The following RAP1GAP2 variants were observed in gnomAD, a reference collection of about 807,000 sequenced individuals.
RAP1GAP2 encodes RAP1 GTPase activating protein 2, also known as rap1 GTPase-activating protein 2.
RAP1GAP2 carries 27 observed loss-of-function variants against 95.0 expected under a neutral mutation model. The ratio of observed to expected loss-of-function variants is 0.28; its 90% CI spans 0.21 to 0.39. The LOEUF is 0.39. Ranked by LOEUF, RAP1GAP2 falls within the 10% of genes least tolerant of loss-of-function variation. RAP1GAP2 has a pLI of 1.00. For missense variants in RAP1GAP2, 771 were observed against 970.0 expected (o/e 0.79, Z 2.72); for synonymous variants, 373 against 380.9 (o/e 0.98, Z 0.24).
In RAP1GAP2 at chr17:2,880,065, G is replaced by A. The variant is rs944502588; in HGVS notation, c.81-25219G>A. On this transcript the variant is annotated intron_variant, in intron 2 of 24. Coordinates refer to ENST00000254695, the MANE Select transcript of RAP1GAP2 (RefSeq NM_015085.5). ...TCAGACTGATCGTGACAACTGAGGGGCTGGGAGCAGGGGGCTGGGAGCAGG... is the reference window on the plus strand; with the variant it reads ...TCAGACTGATCGTGACAACTGAGGGACTGGGAGCAGGGGGCTGGGAGCAGG... Among the ~76,000 whole-genome samples, 4 of 152,126 alleles carry A rather than the reference G, an allele frequency of 2.6e-5. No individual in the cohort carries two copies. The East Asian group carries it at 7.7e-4, about 29-fold the overall frequency.
intron 3 of RAP1GAP2, among the ~76,000 whole-genome samples, chr17:2,927,357 G>C (rs947119147): frequency 4.0e-4 from 61 of 151,940 alleles, no homozygotes; most frequent in Non-Finnish European, 6.8e-4. Context: ...GTTTCACCGT[G>C]TTAGCCAGGA....
intron 2 of RAP1GAP2, among the ~76,000 whole-genome samples, chr17:2,893,950 C>T (rs1462398000): frequency 3.3e-5 from 5 of 152,242 alleles, no homozygotes; most frequent in African/African-American, 9.6e-5. Flanking sequence ...TCTCACCTCT[C>T]CTTCCCTGCC....
At chr17:2,879,408 G>A (rs1055754410) in intron 2 of RAP1GAP2, among the ~76,000 whole-genome samples, 3 of 151,560 alleles carry the variant, frequency 2.0e-5, no homozygotes, top group South Asian at 2.1e-4. Context: ...GAGCCACTGC[G>A]CCCGGCCACA....
chr17:3,006,189 T>C, intron 16 of RAP1GAP2, 148 bp downstream of exon 16: 2 of 681,374 alleles, frequency 2.9e-6, no homozygotes, highest in Non-Finnish European at 4.8e-6. Context: ...TGCAGTGGCA[T>C]GATCTTGGGA....
rs971435063 is a variant in RAP1GAP2, at chr17:3,026,438, G to A, written c.1954G>A (p.Glu652Lys). 5.2e-6 allele frequency: 8 copies of A among 1,551,944 alleles called. No homozygotes were observed. Among genetic ancestry groups the A allele is most frequent in the Non-Finnish European group, 7.0e-6 (8 of 1,147,358 alleles). The change falls in exon 21 of 25, where the codon GAG becomes AAG. Residue 652 changes from glutamate (E) to lysine (K), a missense_variant. By Grantham distance (56) the Glu-to-Lys change is moderately conservative. Transcript: ENST00000254695. ...SSVSSTAGEG[E>K]AMEEGDSGGS... ...CGTCAGCAGCACTGCAGGGGAGGGCGAGGCCATGGAGGAGGGCGACAGTGG... is the reference window on the plus strand; with the variant it reads ...CGTCAGCAGCACTGCAGGGGAGGGCAAGGCCATGGAGGAGGGCGACAGTGG...
chr17:2,980,378 C>T lies in RAP1GAP2; in HGVS notation c.675+13C>T. ...TCAGATTGCAAAGGTGAGAAACCAACCCGTGAGAGATGGTGGCTTCCTCTC... is the reference window on the plus strand; with the variant it reads ...TCAGATTGCAAAGGTGAGAAACCAATCCGTGAGAGATGGTGGCTTCCTCTC... On this transcript the variant is annotated intron_variant, in intron 9 of 24. Coordinates refer to ENST00000254695, the MANE Select transcript of RAP1GAP2 (RefSeq NM_015085.5). 1.2e-6 allele frequency: 2 copies of T among 1,613,104 alleles called. No individual in the cohort carries two copies. The highest frequency in any genetic ancestry group is 2.2e-5 in the South Asian group (2 of 91,050).
Position 2,959,028 on chromosome 17 carries a change from G to C in RAP1GAP2, c.201+1234G>C, listed in dbSNP as rs568809098. On this transcript the variant is annotated intron_variant, in intron 4 of 24. Coordinates refer to ENST00000254695, the MANE Select transcript of RAP1GAP2 (RefSeq NM_015085.5). ...GCTGGCATGTGCCTCACAGTGAGGG[G>C]TGGGAGATGGTATATAATCAAGTGC... Among the ~76,000 whole-genome samples the C allele has an allele frequency of 2.0e-5, 3 of 152,294 alleles. No homozygotes were observed. In the East Asian group the frequency reaches 5.8e-4, roughly 29 times the overall value.
At position 2,991,324 on chromosome 17, in the gene RAP1GAP2, A is replaced by G. The variant is rs1318781498; in HGVS notation, c.841A>G (p.Asn281Asp). The G allele has an allele frequency of 6.2e-7, 1 of 1,605,766 alleles. No individual in the cohort carries two copies. Among genetic ancestry groups the G allele is most frequent in the Non-Finnish European group, 8.5e-7 (1 of 1,176,218 alleles). Residue 281 changes from asparagine (N) to aspartate (D), a missense_variant, in exon 12 of 25, where the codon AAT becomes GAT. Coordinates refer to ENST00000254695, the MANE Select transcript of RAP1GAP2 (RefSeq NM_015085.5). Reference sequence around the variant, plus strand: ...CCTGGAGGAGGAGCTATTTGGGAACAATGAGGAGAGCCCAGCTTTTAAGGA... The same window carrying G: ...CCTGGAGGAGGAGCTATTTGGGAACGATGAGGAGAGCCCAGCTTTTAAGGA... ...QTLEEELFGNNEESPAFKEFL... is the reference protein window; with the variant it reads ...QTLEEELFGNDEESPAFKEFL...
At chr17:2,864,763 A>T (rs2072555008) in intron 2 of RAP1GAP2, among the ~76,000 whole-genome samples, 1 of 152,158 alleles carries the variant, frequency 6.6e-6, no homozygotes, top group South Asian at 2.1e-4. Context: ...GCCCTGTGGG[A>T]GCTGGGCTGC....
rs972277990 is a variant in RAP1GAP2 at position 2,963,457 on chromosome 17, G to C, written c.274G>C (p.Asp92His). 1 of 1,613,764 alleles carries C rather than the reference G, an allele frequency of 6.2e-7. No individual in the cohort carries two copies. The highest frequency in any genetic ancestry group is 8.5e-7 in the Non-Finnish European group (1 of 1,179,792). Residue 92 changes from aspartate (D) to histidine (H), a missense_variant, in exon 6 of 25, where the codon GAC (aspartate) becomes CAC (histidine). By Grantham distance (81) the Asp-to-His change is moderately conservative (BLOSUM62 -1). Transcript: ENST00000254695. This position sits in a 1 kb window ranked among gnomAD's most constrained non-coding sequence, Gnocchi z 4.8. ...CGACTATATCCCATACCCCAGCATC[G>C]ACGAGGTAGGTGCCCTCCCCTCACT... is the stretch of plus-strand genomic sequence containing the variant. ...KDDYIPYPSI[D>H]EVVEKGGPYP...
intron 1 of RAP1GAP2, among the ~76,000 whole-genome samples, chr17:2,780,200 G>A (rs190525837): frequency 2.8e-4 from 42 of 152,252 alleles, no homozygotes; most frequent in Admixed American, 5.9e-4. Flanking sequence ...ACAGGCGTGC[G>A]CCACCACGTC....
chr17:2,864,679 C>A (rs1003163765), intron 2 of RAP1GAP2, among the ~76,000 whole-genome samples: 1 of 152,172 alleles, frequency 6.6e-6, no homozygotes, highest in South Asian at 2.1e-4. Flanking sequence ...CAGTCCTGTG[C>A]GTCCTTTGGG....
Position 2,928,723 on chromosome 17 carries a change from A to C in RAP1GAP2, c.165+23355A>C, listed in dbSNP as rs142064195. Reference sequence around the variant, plus strand: ...GCCTTCCAGCCCACCGATAATCTCTAATTCTCCTCGCTTGATGCGTGTGGG... The same window carrying C: ...GCCTTCCAGCCCACCGATAATCTCTCATTCTCCTCGCTTGATGCGTGTGGG... On this transcript the variant is annotated intron_variant, in intron 3 of 24. Transcript: ENST00000254695. 2.7e-3 allele frequency among the ~76,000 whole-genome samples: 406 copies of C among 151,962 alleles called. 3 individuals are homozygous for C. Among genetic ancestry groups the C allele is most frequent in the Middle Eastern group, 0.014 (4 of 294 alleles).
intron 2 of RAP1GAP2, among the ~76,000 whole-genome samples, chr17:2,822,836 C>T (rs910287019): frequency 3.9e-5 from 6 of 151,964 alleles, no homozygotes; most frequent in Non-Finnish European, 8.8e-5. Context: ...AGGTATATCT[C>T]CTAATGCTAT....
At chr17:2,780,627 G>T (rs1416558357) in intron 1 of RAP1GAP2, among the ~76,000 whole-genome samples, 1 of 152,198 alleles carries the variant, frequency 6.6e-6, no homozygotes, top group African/African-American at 2.4e-5. Flanking sequence ...GCCAGCTCAG[G>T]CTGGCCTTAC....
At chr17:2,968,921 A>G (rs964613851) in intron 8 of RAP1GAP2, among the ~76,000 whole-genome samples, 1 of 152,118 alleles carries the variant, frequency 6.6e-6, no homozygotes, top group Admixed American at 6.5e-5. Flanking sequence ...AAAAGCAATC[A>G]GTGTGATAAA....
intron 8 of RAP1GAP2, among the ~76,000 whole-genome samples, chr17:2,973,253 C>T (rs1044811858): frequency 7.9e-5 from 12 of 152,128 alleles, no homozygotes; most frequent in Non-Finnish European, 1.8e-4. Flanking sequence ...TGGTGGCTCA[C>T]TCCTGTAATC....
At chr17:2,941,140 G>A (rs2043480690) in intron 3 of RAP1GAP2, among the ~76,000 whole-genome samples, 1 of 152,214 alleles carries the variant, frequency 6.6e-6, no homozygotes, top group African/African-American at 2.4e-5. Flanking sequence ...GGTGGCTCAC[G>A]CCTGTAATCC....
At chr17:2,843,813 CT>C (rs973721879) in intron 2 of RAP1GAP2, among the ~76,000 whole-genome samples, 1 of 152,012 alleles carries the variant, frequency 6.6e-6, no homozygotes, top group Non-Finnish European at 1.5e-5. Flanking sequence ...ATCTTTCCCC[CT>C]GTGATTGGGA....
Sources: allele counts gnomAD v4.1 joint callset (sites outside exome capture counted in the v4.1 genomes callset), GRCh38; gene constraint gnomAD v4.1.1; non-coding constraint Gnocchi (gnomAD v3.1); transcripts MANE v1.5; gene names NCBI Gene and HGNC (gene_info 2026-07-23, HGNC 2026-07-21).